The following RAPGEF2 variants were observed in gnomAD, a reference collection of about 807,000 sequenced individuals.
RAPGEF2 encodes PDZ domain containing guanine nucleotide exchange factor (GEF) 1.
A neutral mutation model predicts 186.7 loss-of-function variants in RAPGEF2; 54 were observed. That is an observed-to-expected ratio of 0.29 (90% confidence interval 0.23 to 0.36). The LOEUF is 0.36. Among genes scored for constraint, RAPGEF2 ranks in the 10% least tolerant of loss-of-function variants. The pLI, the probability that RAPGEF2 is intolerant of heterozygous loss-of-function variation, is 1.00. For synonymous variants in RAPGEF2, 712 were observed against 705.9 expected, an observed-to-expected ratio of 1.01 and a Z score of -0.14; for missense variants, 1,532 against 2,045.0, an observed-to-expected ratio of 0.75 and a Z score of 4.84.
At chr4:159,191,278 G>C (rs982691891) in intron 2 of RAPGEF2, among the ~76,000 whole-genome samples, 7 of 152,116 alleles carry the variant, frequency 4.6e-5, no homozygotes, top group Non-Finnish European at 1.0e-4. Flanking sequence ...AAATAATGCT[G>C]TGAGGAAAAA....
At chr4:159,329,808 G>A (rs745494785) in intron 11 of RAPGEF2, 50 bp from the exon 12 acceptor site, 8 of 1,508,350 alleles carry the variant, frequency 5.3e-6, no homozygotes, top group African/African-American at 4.2e-5. Context: ...GTACTGCTAG[G>A]TCTTTTGCAA....
rs530942079 is a variant in RAPGEF2 at position 159,273,521 on chromosome 4, G to GA, written c.543+29737dup. Among the ~76,000 whole-genome samples the GA allele has an allele frequency of 1.4e-4, 22 of 151,910 alleles. No individual in the cohort carries two copies. In the South Asian group the frequency reaches 3.9e-3, roughly 27 times the overall value. Reference sequence around the variant, plus strand: ...GAAAATAAAATCAATTTAGATTACTGAAAAAAAGAATGATTAACTTAAGAA... The same window carrying GA: ...GAAAATAAAATCAATTTAGATTACTGAAAAAAAAGAATGATTAACTTAAGAA... On this transcript the variant is annotated intron_variant, in intron 7 of 29. Transcript: ENST00000691494.
intron 1 of RAPGEF2, among the ~76,000 whole-genome samples, chr4:159,133,863 G>A (rs893679101): frequency 2.0e-5 from 3 of 152,142 alleles, no homozygotes; most frequent in African/African-American, 4.8e-5. Context: ...GATTACAGGC[G>A]TGAGCCACCG....
chr4:159,177,586 C>G (rs1269923637), intron 1 of RAPGEF2, among the ~76,000 whole-genome samples: 2 of 152,192 alleles, frequency 1.3e-5, no homozygotes, highest in Non-Finnish European at 2.9e-5. Flanking sequence ...TATTACATCT[C>G]TCTCCTTCTT....
chr4:159,288,365 A>G (rs528625372), intron 7 of RAPGEF2, among the ~76,000 whole-genome samples: 1 of 152,300 alleles, frequency 6.6e-6, no homozygotes, highest in East Asian at 1.9e-4. Flanking sequence ...CTTCCAGCAT[A>G]TCAAATTTTT....
In RAPGEF2 at chr4:159,353,946, C is replaced by A; in HGVS notation, c.4551C>A (p.Ala1517=). ...RRGGKDVSIE[A]ESSSLTSVTT... is the part of the protein sequence containing the mutation. ...GTGGAAAGGATGTTTCCATTGAAGC[C>A]GAAAGCAGTAGCCTAACGTCTGTGA... The change falls in exon 28 of 30, where the codon GCC becomes GCA. Residue 1517 remains alanine, a synonymous_variant. Transcript: ENST00000691494. The surrounding 1 kb of genome is among the most constrained non-coding windows in gnomAD (Gnocchi z 4.3). 1 of 1,613,962 alleles carries A rather than the reference C, an allele frequency of 6.2e-7. No homozygotes were observed. Among genetic ancestry groups the A allele is most frequent in the South Asian group, 1.1e-5 (1 of 91,078 alleles).
At chr4:159,218,307 A>C (rs1751175956) in intron 4 of RAPGEF2, among the ~76,000 whole-genome samples, 2 of 152,216 alleles carry the variant, frequency 1.3e-5, no homozygotes, top group Admixed American at 6.5e-5. Context: ...GAAAAACTAC[A>C]AATCATGTTA....
chr4:159,348,218 C>CGATAGATAGATAGATAGATAGATA (rs535075782), intron 25 of RAPGEF2, among the ~76,000 whole-genome samples: 137 of 145,816 alleles, frequency 9.4e-4, no homozygotes, highest in African/African-American at 3.4e-3. Context: ...AAGACTCTGT[C>CGATAGATAGATAGATAGATAGATA]GATAGATAGA....
intron 1 of RAPGEF2, among the ~76,000 whole-genome samples, chr4:159,162,134 C>T (rs2111221879): frequency 6.7e-6 from 1 of 150,310 alleles, no homozygotes; most frequent in East Asian, 1.9e-4. Flanking sequence ...CTTGTAATCC[C>T]AGCACTTTGG....
At chr4:159,341,069 G>C (rs935967065) in intron 19 of RAPGEF2, among the ~76,000 whole-genome samples, 1 of 152,090 alleles carries the variant, frequency 6.6e-6, no homozygotes, top group Non-Finnish European at 1.5e-5. Flanking sequence ...AAGTAGCTTA[G>C]GGTTTCTTAG....
chr4:159,287,953 T>C (rs1032093558), intron 7 of RAPGEF2, among the ~76,000 whole-genome samples: 1 of 152,180 alleles, frequency 6.6e-6, no homozygotes, highest in Non-Finnish European at 1.5e-5. Context: ...GCATAATGCT[T>C]TATATTACCA....
At chr4:159,316,986 G>T (rs1255016879) in intron 9 of RAPGEF2, among the ~76,000 whole-genome samples, 1 of 152,070 alleles carries the variant, frequency 6.6e-6, no homozygotes, top group African/African-American at 2.4e-5. Flanking sequence ...CCTGAGCCTT[G>T]CTTGTCTGTT....
At chr4:159,271,014 A>G (rs1280386278) in intron 7 of RAPGEF2, among the ~76,000 whole-genome samples, 1 of 152,186 alleles carries the variant, frequency 6.6e-6, no homozygotes, top group Non-Finnish European at 1.5e-5. Context: ...ATGAGACTGC[A>G]TTTTTCAAAA....
At chr4:159,312,993 C>T (rs577346036) in intron 8 of RAPGEF2, among the ~76,000 whole-genome samples, 26 of 152,040 alleles carry the variant, frequency 1.7e-4, no homozygotes, top group African/African-American at 6.3e-4. Flanking sequence ...ACTAAGAGTA[C>T]AAAAATTAGC....
At chr4:159,276,920 A>G (rs1758958553) in intron 7 of RAPGEF2, among the ~76,000 whole-genome samples, 1 of 152,014 alleles carries the variant, frequency 6.6e-6, no homozygotes, top group South Asian at 2.1e-4. Flanking sequence ...GTTAGGGACT[A>G]TCTTTTTTTA....
intron 3 of RAPGEF2, among the ~76,000 whole-genome samples, chr4:159,210,188 A>G (rs950423478): frequency 6.6e-6 from 1 of 152,192 alleles, no homozygotes; most frequent in African/African-American, 2.4e-5. Flanking sequence ...GTATTTTTTC[A>G]TTTTATGAAG....
intron 3 of RAPGEF2, among the ~76,000 whole-genome samples, chr4:159,202,003 AG>A (rs1235383730): frequency 6.6e-6 from 1 of 152,212 alleles, no homozygotes; most frequent in Non-Finnish European, 1.5e-5. Context: ...CATCCTGGAT[AG>A]TATAAAGTGA....
intron 7 of RAPGEF2, among the ~76,000 whole-genome samples, chr4:159,287,341 AAGC>A (rs1344385630): frequency 5.9e-5 from 9 of 152,160 alleles, no homozygotes; most frequent in African/African-American, 1.9e-4. Flanking sequence ...TTGTTTACCT[AAGC>A]AGCAAAAAAA....
chr4:159,160,438 C>G (rs1744586040), intron 1 of RAPGEF2, among the ~76,000 whole-genome samples: 1 of 152,222 alleles, frequency 6.6e-6, no homozygotes, highest in Admixed American at 6.5e-5. Flanking sequence ...ACTGAAGCTT[C>G]AAACCCATCT....
Sources: allele counts gnomAD v4.1 joint callset (sites outside exome capture counted in the v4.1 genomes callset), GRCh38; gene constraint gnomAD v4.1.1; non-coding constraint Gnocchi (gnomAD v3.1); transcripts MANE v1.5; gene names NCBI Gene and HGNC (gene_info 2026-07-23, HGNC 2026-07-21).